The following RARB variants were observed in gnomAD, a reference collection of about 807,000 sequenced individuals.
RARB encodes HBV-activated protein.
A neutral mutation model predicts 51.9 loss-of-function variants in RARB; 17 were observed. That is an observed-to-expected ratio of 0.33 (90% confidence interval 0.22 to 0.49). The LOEUF (loss-of-function observed/expected upper bound fraction) is 0.49. Ranked by LOEUF, RARB falls within the 20% of genes least tolerant of loss-of-function variation. RARB has a pLI of 0.99. For missense variants in RARB, 369 were observed against 550.8 expected, an observed-to-expected ratio of 0.67 and a Z score of 3.30; for synonymous variants, 215 against 195.4, an observed-to-expected ratio of 1.10 and a Z score of -0.84.
At chr3:25,140,634 T>C (rs898261036) in intron 4 of RARB, among the ~76,000 whole-genome samples, 2 of 152,208 alleles carry the variant, frequency 1.3e-5, no homozygotes. Context: ...TCCATAAACT[T>C]AGTTGATAAA....
intron 4 of RARB, among the ~76,000 whole-genome samples, chr3:25,138,553 T>G (rs180962661): frequency 6.6e-6 from 1 of 152,144 alleles, no homozygotes; most frequent in South Asian, 2.1e-4. Flanking sequence ...GTCTCTTTCT[T>G]GATAGATTTG....
chr3:25,134,890 C>T (rs778529246), intron 4 of RARB, among the ~76,000 whole-genome samples: 4 of 152,028 alleles, frequency 2.6e-5, no homozygotes, highest in Non-Finnish European at 4.4e-5. Context: ...TGCTGCTGCA[C>T]AGACTTTTTC....
chr3:25,433,735 A>G (rs773473976), intron 1 of RARB, among the ~76,000 whole-genome samples: 3 of 152,178 alleles, frequency 2.0e-5, no homozygotes, highest in Non-Finnish European at 4.4e-5. Context: ...TGTAAGATCT[A>G]ATAACACAAC....
At chr3:25,082,592 T>A (rs1177537329) in intron 3 of RARB, among the ~76,000 whole-genome samples, 2 of 152,150 alleles carry the variant, frequency 1.3e-5, no homozygotes, top group Non-Finnish European at 2.9e-5. Context: ...ATTTCTCTAA[T>A]GTCTTTTACC....
chr3:25,108,992 A>G (rs1010891671), intron 3 of RARB, among the ~76,000 whole-genome samples: 41 of 152,174 alleles, frequency 2.7e-4, no homozygotes, highest in African/African-American at 9.4e-4. Flanking sequence ...CATTCAGACC[A>G]GATTGTATCC....
chr3:25,559,943 T>A (rs1700206066), intron 3 of RARB, among the ~76,000 whole-genome samples: 1 of 152,150 alleles, frequency 6.6e-6, no homozygotes, highest in Admixed American at 6.5e-5. Context: ...GGATGTCTAT[T>A]TGGATGGATA....
intron 5 of RARB, among the ~76,000 whole-genome samples, chr3:25,244,554 T>G (rs893228806): frequency 1.3e-5 from 2 of 152,204 alleles, no homozygotes; most frequent in African/African-American, 4.8e-5. Flanking sequence ...TATTTCTGCC[T>G]TCATTTTGTT....
At chr3:24,842,674 C>G (rs1452471099) in intron 1 of RARB, among the ~76,000 whole-genome samples, 1 of 152,164 alleles carries the variant, frequency 6.6e-6, no homozygotes, top group African/African-American at 2.4e-5. Context: ...ATCCTCTCTT[C>G]AGTTCAGAGC....
chr3:25,481,864 G>C (rs766494595), intron 2 of RARB, among the ~76,000 whole-genome samples: 1 of 152,162 alleles, frequency 6.6e-6, no homozygotes, highest in Non-Finnish European at 1.5e-5. Flanking sequence ...GACTGCTTAT[G>C]CTCTGCCAGG....
intron 2 of RARB, among the ~76,000 whole-genome samples, chr3:24,924,750 AG>A (rs1695282497): frequency 6.6e-6 from 1 of 152,120 alleles, no homozygotes; most frequent in African/African-American, 2.4e-5. Context: ...TGTACTTTCC[AG>A]GGCATGATCT....
chr3:25,360,777 T>G (rs1705907724), intron 5 of RARB, among the ~76,000 whole-genome samples: 1 of 152,180 alleles, frequency 6.6e-6, no homozygotes, highest in African/African-American at 2.4e-5. Context: ...AGTTGAAAAT[T>G]CTTTTTTTAA....
chr3:25,428,573 T>C lies in RARB; in HGVS notation c.-159T>C, dbSNP rs2125512611. On this transcript the variant is annotated 5_prime_UTR_variant, in exon 1 of 8. Transcript: ENST00000330688. ...ATCAATTACAGGCTTTTAGCTGGCT[T>C]GTCTGTCATAATTCATGATTCGGGG... The C allele has an allele frequency of 1.5e-6, 2 of 1,337,532 alleles. No individual in the cohort carries two copies. The highest frequency in any genetic ancestry group is 1.9e-6 in the Non-Finnish European group (2 of 1,039,930). The allele number at this position is 1,337,532 out of a possible 1,614,324, so 82.9% of individuals were successfully genotyped here.
At chr3:25,091,672 G>T (rs1699202213) in intron 3 of RARB, among the ~76,000 whole-genome samples, 1 of 152,226 alleles carries the variant, frequency 6.6e-6, no homozygotes, top group Non-Finnish European at 1.5e-5. Flanking sequence ...GGCATTAAAA[G>T]GCATTTGTCA....
chr3:24,939,752 T>C (rs1002969512), intron 2 of RARB, among the ~76,000 whole-genome samples: 6 of 152,360 alleles, frequency 3.9e-5, no homozygotes, highest in Admixed American at 3.3e-4. Context: ...TACACTCTTC[T>C]GGGCTTCCAT....
intron 2 of RARB, among the ~76,000 whole-genome samples, chr3:25,472,981 A>G (rs985150456): frequency 1.3e-5 from 2 of 152,222 alleles, no homozygotes; most frequent in African/African-American, 2.4e-5. Context: ...AGATCACTCC[A>G]TGGAACACCA....
intron 2 of RARB, among the ~76,000 whole-genome samples, chr3:25,051,234 A>G (rs1445423671): frequency 1.1e-4 from 17 of 152,194 alleles, no homozygotes; most frequent in Admixed American, 1.1e-3. Context: ...ATATTAAGAC[A>G]CAGATAAAGT....
At chr3:25,002,748 CTGTG>C (rs67576318) in intron 2 of RARB, among the ~76,000 whole-genome samples, 31,946 of 150,302 alleles carry the variant, frequency 0.21, 3,669 homozygotes, top group East Asian at 0.41. Flanking sequence ...AAGACATATT[CTGTG>C]TGTGTGTGTA....
chr3:25,300,518 G>T (rs766243778), intron 5 of RARB, among the ~76,000 whole-genome samples: 1 of 152,192 alleles, frequency 6.6e-6, no homozygotes, highest in Non-Finnish European at 1.5e-5. Context: ...AGTACAAACA[G>T]TTCTGCAGGG....
intron 3 of RARB, among the ~76,000 whole-genome samples, chr3:25,538,866 T>C (rs1280619938): frequency 1.3e-5 from 2 of 152,228 alleles, no homozygotes; most frequent in African/African-American, 4.8e-5. Flanking sequence ...CAGGTAAATA[T>C]ACTTGGGTTC....
Sources: gnomAD v4.1 joint callset for allele counts (sites outside exome capture counted in the v4.1 genomes callset) on GRCh38, gnomAD v4.1.1 for gene constraint, MANE v1.5 for transcripts, NCBI Gene and HGNC (gene_info 2026-07-23, HGNC 2026-07-21) for gene names.